SHTN1: variants seen among roughly 807,000 people sequenced by gnomAD.
SHTN1 encodes shootin 1, also known as shootin-1.
Under a neutral mutation model 83.1 loss-of-function variants are expected in SHTN1, and 42 were observed. The observed-to-expected ratio is 0.51, with a 90% CI of 0.39 to 0.65. The LOEUF (loss-of-function observed/expected upper bound fraction) is 0.65. Ranked by LOEUF, SHTN1 falls within the 30% of genes least tolerant of loss-of-function variation. The pLI is 0.00. For missense variants in SHTN1, 622 were observed against 737.8 expected (o/e 0.84, Z 1.82); for synonymous variants, 224 against 247.7 (o/e 0.90, Z 0.90).
chr10:116,917,410 T>A (rs1360869625), intron 12 of SHTN1, among the ~76,000 whole-genome samples: 1 of 152,186 alleles, frequency 6.6e-6, no homozygotes, highest in Non-Finnish European at 1.5e-5. Flanking sequence ...GTTCAAGCAA[T>A]TCTCCTGCCT....
chr10:117,011,916 G>A (rs925030284), intron 2 of SHTN1, among the ~76,000 whole-genome samples: 5 of 151,990 alleles, frequency 3.3e-5, no homozygotes, highest in South Asian at 2.1e-4. Context: ...CGAGGAGGGC[G>A]GATCACGAAG....
intron 1 of SHTN1, among the ~76,000 whole-genome samples, chr10:116,980,206 A>G (rs1850965333): frequency 6.6e-6 from 1 of 152,210 alleles, no homozygotes; most frequent in African/African-American, 2.4e-5. Flanking sequence ...TCAATGACAG[A>G]GCAGAACATC....
At chr10:117,103,482 G>C (rs1038870222) in intron 1 of SHTN1, among the ~76,000 whole-genome samples, 5 of 149,690 alleles carry the variant, frequency 3.3e-5, no homozygotes, top group African/African-American at 1.2e-4. Flanking sequence ...GGTCTTGAGA[G>C]CTACTCTTTC....
At chr10:116,939,396 G>A (rs564398072) in intron 9 of SHTN1, among the ~76,000 whole-genome samples, 4 of 152,254 alleles carry the variant, frequency 2.6e-5, no homozygotes, top group Non-Finnish European at 4.4e-5. Flanking sequence ...ACAGTCTCTC[G>A]TGGCTTCCCT....
At chr10:117,070,895 T>A (rs1853070682) in intron 1 of SHTN1, among the ~76,000 whole-genome samples, 1 of 151,990 alleles carries the variant, frequency 6.6e-6, no homozygotes, top group African/African-American at 2.4e-5. Context: ...GAAGGCTGCA[T>A]CATCTTCACC....
At chr10:117,120,811 A>ATTTGAT (rs1853912428) in intron 1 of SHTN1, among the ~76,000 whole-genome samples, 1 of 141,468 alleles carries the variant, frequency 7.1e-6, no homozygotes, top group Admixed American at 7.0e-5. Context: ...CACTGATTTG[A>ATTTGAT]TTTTTTTTTT....
chr10:117,002,827 T>G (rs1851870118), intron 1 of SHTN1, among the ~76,000 whole-genome samples: 1 of 152,230 alleles, frequency 6.6e-6, no homozygotes, highest in Non-Finnish European at 1.5e-5. Context: ...GTGTACCTTT[T>G]AAGAAACACA....
chr10:116,988,395 T>C (rs1304056825), intron 1 of SHTN1, among the ~76,000 whole-genome samples: 3 of 151,702 alleles, frequency 2.0e-5, no homozygotes, highest in Non-Finnish European at 4.4e-5. Flanking sequence ...GATCTTGATA[T>C]AGTAGTATTC....
At chr10:117,030,850 G>A (rs924895020) in intron 2 of SHTN1, among the ~76,000 whole-genome samples, 2 of 151,990 alleles carry the variant, frequency 1.3e-5, no homozygotes, top group Non-Finnish European at 2.9e-5. Context: ...TAAAACACAT[G>A]TACAGAATCT....
At chr10:116,937,374 C>T (rs776084087) in intron 9 of SHTN1, among the ~76,000 whole-genome samples, 22 of 152,138 alleles carry the variant, frequency 1.4e-4, no homozygotes, top group African/African-American at 3.6e-4. Context: ...CAAAATCTCT[C>T]GGCATTTGTC....
rs560907848 is a variant in SHTN1, at chr10:116,883,526, C to T, written c.*2818G>A. The T allele has an allele frequency of 2.0e-5, 3 of 152,158 alleles. No individual in the cohort carries two copies. Among genetic ancestry groups the T allele is most frequent in the Admixed American group, 1.3e-4 (2 of 15,274 alleles). The allele number at this position is 152,158 out of a possible 1,614,324, so 9.4% of individuals were successfully genotyped here. On this transcript the variant is annotated 3_prime_UTR_variant, in exon 17 of 17. Coordinates refer to ENST00000355371, the MANE Select transcript of SHTN1 (RefSeq NM_001127211.3). ...TATATAAGCTAATGTTGTTCCACAA[C>T]GAGTGTAACTGAACAGGTAGAGTAT... is the stretch of plus-strand genomic sequence containing the variant.
chr10:116,899,630 T>C lies in SHTN1; in HGVS notation c.1673+2135A>G, dbSNP rs550515705. ...CATTGGCATCCTCCCTTGACCTTGA[T>C]TCAGGTCAAGAGCCAATAGCGCCAC... On this transcript the variant is annotated intron_variant, in intron 16 of 16. Transcript: ENST00000355371. 5.2e-4 allele frequency among the ~76,000 whole-genome samples: 79 copies of C among 152,136 alleles called. 1 individual carries two copies. In the East Asian group the frequency reaches 0.011, roughly 22 times the overall value.
At chr10:117,070,828 T>C (rs1206705468) in intron 1 of SHTN1, among the ~76,000 whole-genome samples, 1 of 151,692 alleles carries the variant, frequency 6.6e-6, no homozygotes, top group Admixed American at 6.6e-5. Context: ...AAAAGCAGGC[T>C]TTAGTAGGGA....
At chr10:116,928,987 T>C (rs1341194466) in intron 10 of SHTN1, among the ~76,000 whole-genome samples, 2 of 152,222 alleles carry the variant, frequency 1.3e-5, no homozygotes, top group Non-Finnish European at 2.9e-5. Context: ...CAGGCTACTC[T>C]GATATTCACT....
intron 2 of SHTN1, among the ~76,000 whole-genome samples, chr10:117,030,845 C>T (rs1852405149): frequency 1.3e-5 from 2 of 151,902 alleles, no homozygotes; most frequent in South Asian, 4.1e-4. Flanking sequence ...AACAATAAAA[C>T]ACATGTACAG....
intron 4 of SHTN1, among the ~76,000 whole-genome samples, chr10:116,959,723 G>A (rs1389564843): frequency 1.3e-5 from 2 of 152,104 alleles, no homozygotes; most frequent in African/African-American, 4.8e-5. Flanking sequence ...GAAATGCACG[G>A]CTTCAGGGTG....
chr10:116,988,065 T>C (rs1203789578), intron 1 of SHTN1, among the ~76,000 whole-genome samples: 5 of 152,166 alleles, frequency 3.3e-5, no homozygotes, highest in African/African-American at 9.6e-5. Context: ...TCCAAACCCA[T>C]AGAACGTACA....
At chr10:117,055,929 A>T (rs190455116) in intron 1 of SHTN1, among the ~76,000 whole-genome samples, 392 of 152,274 alleles carry the variant, frequency 2.6e-3, no homozygotes, top group African/African-American at 9.1e-3. Flanking sequence ...TTTTACTGTA[A>T]TTTTTTAAGC....
intron 1 of SHTN1, among the ~76,000 whole-genome samples, chr10:117,070,826 G>A (rs1203973400): frequency 6.6e-6 from 1 of 151,662 alleles, no homozygotes; most frequent in African/African-American, 2.4e-5. Flanking sequence ...CTAAAAGCAG[G>A]CTTTAGTAGG....
Sources: allele counts gnomAD v4.1 joint callset (sites outside exome capture counted in the v4.1 genomes callset), GRCh38; gene constraint gnomAD v4.1.1; transcripts MANE v1.5; gene names NCBI Gene and HGNC (gene_info 2026-07-23, HGNC 2026-07-21).